The following AEBP2 variants were observed in gnomAD, a reference collection of about 807,000 sequenced individuals.
AEBP2 encodes zinc finger protein AEBP2.
In AEBP2, 10 loss-of-function variants were observed where a neutral mutation model predicts 50.8. The ratio of observed to expected loss-of-function variants is 0.20; its 90% CI spans 0.12 to 0.33. AEBP2 has a LOEUF of 0.33. Ranked by LOEUF, AEBP2 falls within the 10% of genes least tolerant of loss-of-function variation. AEBP2 has a pLI of 1.00. For synonymous variants in AEBP2, 296 were observed against 261.3 expected, an observed-to-expected ratio of 1.13 and a Z score of -1.28; for missense variants, 570 against 688.0, an observed-to-expected ratio of 0.83 and a Z score of 1.92.
At chr12:19,440,422 C>A (rs577707353) in intron 1 of AEBP2, 52 bp downstream of exon 1, 18 of 1,450,174 alleles carry the variant, frequency 1.2e-5, no homozygotes, top group Non-Finnish European at 1.5e-5. Context: ...AACTCCCGGG[C>A]CCCTCAGAGG....
intron 5 of AEBP2, among the ~76,000 whole-genome samples, chr12:19,506,555 A>G (rs1949158100): frequency 6.6e-6 from 1 of 152,242 alleles, no homozygotes; most frequent in South Asian, 2.1e-4. Context: ...AAGATAGAAT[A>G]GTTCCAGCAC....
intron 1 of AEBP2, among the ~76,000 whole-genome samples, chr12:19,419,992 A>C (rs11044551): frequency 0.022 from 3,364 of 151,500 alleles, 48 homozygotes; most frequent in East Asian, 0.044. Context: ...ACCATAACCT[A>C]GGACAATAAT....
chr12:19,459,361 AGCTGGGACTACAGGCTCCT>A (rs1948330355), intron 1 of AEBP2, among the ~76,000 whole-genome samples: 2 of 151,758 alleles, frequency 1.3e-5, no homozygotes, highest in Admixed American at 6.6e-5. Context: ...CCTCCTGAGT[AGCTGGGACTACAGGCTCCT>A]GCCACTATGC....
In AEBP2 at chr12:19,440,273, G is replaced by C; in HGVS notation, c.574G>C (p.Gly192Arg). Residue 192 changes from glycine to arginine, a missense_variant, in exon 1 of 8, where the codon GGG becomes CGG. Physicochemically the swap from Gly to Arg is moderately radical, Grantham distance 125. This residue lies in a region of AEBP2 where 386 missense variants were observed against 336.8 expected (regional missense o/e 1.15). Coordinates refer to ENST00000266508, the MANE Select transcript of AEBP2 (RefSeq NM_153207.5). ...SSGGDEGYGT[G>R]GGGSSATSGG... is the part of the protein sequence containing the mutation. ...CGGCGGCGACGAGGGCTACGGGACT[G>C]GGGGAGGCGGAAGCAGCGCGACCTC... is the stretch of plus-strand genomic sequence containing the variant. 6.8e-7 allele frequency: 1 copy of C among 1,468,444 alleles called. No individual in the cohort carries two copies. The highest frequency in any genetic ancestry group is 8.9e-7 in the Non-Finnish European group (1 of 1,119,388). The allele number at this position is 1,468,444 out of a possible 1,614,324, so 91.0% of individuals were successfully genotyped here.
At position 19,440,866 on chromosome 12, in the gene AEBP2, T is replaced by TA. The variant is rs988454110; in HGVS notation, c.671+499dup. 40 of 1,093,928 alleles carry TA rather than the reference T, an allele frequency of 3.7e-5. No individual in the cohort carries two copies. The African/African-American group carries it at 5.5e-4, about 15-fold the overall frequency. 67.8% of individuals were successfully genotyped at this position (1,093,928 alleles called of 1,614,324 possible). Reference sequence around the variant, plus strand: ...ACCCCAGCTATCACTTTTCTCTACTTAAACAAAAAAAGGACTGTTCTTTTA... The same window carrying TA: ...ACCCCAGCTATCACTTTTCTCTACTTAAAACAAAAAAAGGACTGTTCTTTTA... On this transcript the variant is annotated intron_variant, in intron 1 of 7. Transcript: ENST00000266508.
chr12:19,494,447 A>C (rs1490093977), intron 4 of AEBP2, among the ~76,000 whole-genome samples: 1 of 151,268 alleles, frequency 6.6e-6, no homozygotes, highest in African/African-American at 2.4e-5. Context: ...AAAAACCAAC[A>C]ACAAAAAAAA....
At chr12:19,473,376 AATTT>A (rs71530938) in intron 3 of AEBP2, 21 bp downstream of exon 3, 735 of 174,190 alleles carry the variant, frequency 4.2e-3, no homozygotes, top group African/African-American at 0.011. Context: ...ATGTATATAA[AATTT>A]ATTTATTTAT....
In AEBP2 at chr12:19,518,442, T is replaced by G; in HGVS notation, c.*325T>G. On this transcript the variant is annotated 3_prime_UTR_variant, in exon 8 of 8. Coordinates refer to ENST00000266508, the MANE Select transcript of AEBP2 (RefSeq NM_153207.5). ...CATGCTTGCTGCTTTAAGCTGCTTT[T>G]TTTTTTCTTTTCTTCCCTTTAGTGA... 1 of 1,236,448 alleles carries G rather than the reference T, an allele frequency of 8.1e-7. No individual in the cohort carries two copies. The highest frequency in any genetic ancestry group is 3.2e-5 in the South Asian group (1 of 31,424). 76.6% of individuals were successfully genotyped at this position (1,236,448 alleles called of 1,614,324 possible). A position where few individuals can be genotyped will look rare whatever the true frequency, so the allele number is the denominator to read the frequency against.
At position 19,510,265 on chromosome 12, in the gene AEBP2, A is replaced by G. The variant is rs79527970; in HGVS notation, c.1300-2133A>G. Among the ~76,000 whole-genome samples, 31 of 152,338 alleles carry G rather than the reference A, an allele frequency of 2.0e-4. No individual in the cohort carries two copies. The East Asian group carries it at 5.6e-3, about 27-fold the overall frequency. ...TGAGGGAAGGTAGGCACATAAAGCAATGGCAGTACGGTGTAATACATGCTA... is the reference window on the plus strand; with the variant it reads ...TGAGGGAAGGTAGGCACATAAAGCAGTGGCAGTACGGTGTAATACATGCTA... On this transcript the variant is annotated intron_variant, in intron 5 of 7. Transcript: ENST00000266508.
chr12:19,465,329 G>T (rs868846264), intron 2 of AEBP2, among the ~76,000 whole-genome samples: 85 of 152,152 alleles, frequency 5.6e-4, no homozygotes, highest in African/African-American at 2.0e-3. Flanking sequence ...GGGAGGCGGA[G>T]GTTGCAGTGA....
chr12:19,508,213 T>TA (rs1949180813), intron 5 of AEBP2, among the ~76,000 whole-genome samples: 2 of 152,244 alleles, frequency 1.3e-5, no homozygotes, highest in Admixed American at 1.3e-4. Flanking sequence ...TTGTTGTTTT[T>TA]AAAAAAACCA....
intron 3 of AEBP2, among the ~76,000 whole-genome samples, chr12:19,474,710 G>A (rs149693873): frequency 6.6e-6 from 1 of 151,922 alleles, no homozygotes; most frequent in African/African-American, 2.4e-5. Flanking sequence ...CTATATACTT[G>A]TTTTTCTATA....
intron 1 of AEBP2, chr12:19,413,376 A>G: frequency 9.5e-7 from 1 of 1,048,094 alleles, no homozygotes; most frequent in Non-Finnish European, 1.5e-6. Flanking sequence ...TCCTTTAAAA[A>G]GTAAGCCAAC....
chr12:19,452,246 A>G lies in AEBP2; in HGVS notation c.672-10264A>G, dbSNP rs577357861. On this transcript the variant is annotated intron_variant, in intron 1 of 7. Transcript: ENST00000266508. ...GGATTCAAGTGATGTGTCTGCCTCG[A>G]CCTCCCAAAGTGCTGGGATTACAGG... is the stretch of plus-strand genomic sequence containing the variant. Among the ~76,000 whole-genome samples, 26 of 151,724 alleles carry G rather than the reference A, an allele frequency of 1.7e-4. No individual in the cohort carries two copies. The East Asian group carries it at 4.1e-3, about 24-fold the overall frequency.
intron 1 of AEBP2, among the ~76,000 whole-genome samples, chr12:19,431,249 G>C (rs1184307101): frequency 6.6e-6 from 1 of 152,144 alleles, no homozygotes; most frequent in African/African-American, 2.4e-5. Context: ...ACTGCTGATA[G>C]ACTTTTATTT....
rs369410408 is a variant in AEBP2, at chr12:19,479,717, G to GTTTTTTTTTTTTTTTTTTTTTTTTTTTTT, written c.987+6365_987+6393dup. Among the ~76,000 whole-genome samples the GTTTTTTTTTTTTTTTTTTTTTTTTTTTTT allele has an allele frequency of 4.5e-4, 10 of 22,314 alleles. 4 individuals are homozygous for GTTTTTTTTTTTTTTTTTTTTTTTTTTTTT. The highest frequency in any genetic ancestry group is 4.8e-4 in the African/African-American group (3 of 6,238). The allele number at this position is 22,314 out of a possible 152,430, so 14.6% of individuals were successfully genotyped here. ...ATTATTTAATGTCACCTCTTTGTGG[G>GTTTTTTTTTTTTTTTTTTTTTTTTTTTTT]TTTTTTTTTTTTTTTTTTTTTTTTT... On this transcript the variant is annotated intron_variant, in intron 3 of 7. Coordinates refer to ENST00000266508, the MANE Select transcript of AEBP2 (RefSeq NM_153207.5).
chr12:19,463,667 A>ATTTTTTTTT (rs34007914), intron 2 of AEBP2, among the ~76,000 whole-genome samples: 4 of 84,670 alleles, frequency 4.7e-5, no homozygotes, highest in Non-Finnish European at 6.3e-5. Context: ...TCATACTTGA[A>ATTTTTTTTT]TTTTTTTTTT....
chr12:19,468,144 G>C (rs922202646), intron 2 of AEBP2, among the ~76,000 whole-genome samples: 1 of 151,576 alleles, frequency 6.6e-6, no homozygotes, highest in Non-Finnish European at 1.5e-5. Flanking sequence ...GTGTGTGTGT[G>C]TGTGTGTGTG....
chr12:19,468,044 T>C (rs1170162419), intron 2 of AEBP2, among the ~76,000 whole-genome samples: 1 of 151,578 alleles, frequency 6.6e-6, no homozygotes, highest in Non-Finnish European at 1.5e-5. Flanking sequence ...CAAGACTCTG[T>C]CTCATTAAAA....
Sources: gnomAD v4.1 joint callset for allele counts (sites outside exome capture counted in the v4.1 genomes callset) on GRCh38, gnomAD v4.1.1 for gene constraint, gnomAD v4.1.1 regional missense constraint, MANE v1.5 for transcripts, NCBI Gene and HGNC (gene_info 2026-07-23, HGNC 2026-07-21) for gene names.